The following MACROD2 variants were observed in gnomAD, a reference collection of about 807,000 sequenced individuals.
MACROD2 encodes mono-ADP ribosylhydrolase 2.
A neutral mutation model predicts 70.4 loss-of-function variants in MACROD2; 36 were observed. The ratio of observed to expected loss-of-function variants is 0.51; its 90% CI spans 0.39 to 0.68. The LOEUF is 0.68. MACROD2 is among the 30% of genes least tolerant of loss of function. The pLI is 0.00. For synonymous variants in MACROD2, 172 were observed against 178.8 expected (o/e 0.96, Z 0.30); for missense variants, 496 against 538.4 (o/e 0.92, Z 0.78).
intron 3 of MACROD2, among the ~76,000 whole-genome samples, chr20:14,330,237 A>T (rs1043915576): frequency 1.3e-5 from 2 of 152,054 alleles, no homozygotes; most frequent in Non-Finnish European, 2.9e-5. Context: ...ATTGAATTTA[A>T]TGTTGACTGC....
intron 5 of MACROD2, among the ~76,000 whole-genome samples, chr20:15,081,033 G>A (rs548326065): frequency 6.6e-6 from 1 of 152,138 alleles, no homozygotes; most frequent in Non-Finnish European, 1.5e-5. Flanking sequence ...AGCTCCCAGA[G>A]GCCAGGAGCT....
chr20:15,711,104 T>C (rs1568987822), intron 8 of MACROD2, among the ~76,000 whole-genome samples: 2 of 152,210 alleles, frequency 1.3e-5, no homozygotes, highest in Non-Finnish European at 2.9e-5. Flanking sequence ...GTCCCCGTTT[T>C]GAATTCTCCA....
chr20:15,865,034 C>T (rs6034309), intron 9 of MACROD2, among the ~76,000 whole-genome samples: 141,943 of 152,226 alleles, frequency 0.93, 66,684 homozygotes, highest in East Asian at 1. Flanking sequence ...AATTAGGATA[C>T]GTTTCTTCCT....
At chr20:16,030,572 C>G (rs761088990) in intron 15 of MACROD2, among the ~76,000 whole-genome samples, 1 of 152,170 alleles carries the variant, frequency 6.6e-6, no homozygotes, top group Non-Finnish European at 1.5e-5. Context: ...TCCAAATTCC[C>G]TGCAATGACC....
At chr20:14,851,118 G>A (rs2073194978) in intron 5 of MACROD2, among the ~76,000 whole-genome samples, 1 of 152,222 alleles carries the variant, frequency 6.6e-6, no homozygotes. Flanking sequence ...CACAAAGTAA[G>A]TTGTCATTGA....
intron 15 of MACROD2, among the ~76,000 whole-genome samples, chr20:16,002,589 G>A (rs1025902321): frequency 2.0e-5 from 3 of 152,128 alleles, no homozygotes; most frequent in South Asian, 2.1e-4. Context: ...ATGGAGGAAG[G>A]AGGCGATGAA....
At chr20:15,594,562 A>G (rs1470644977) in intron 8 of MACROD2, among the ~76,000 whole-genome samples, 1 of 152,148 alleles carries the variant, frequency 6.6e-6, no homozygotes, top group Non-Finnish European at 1.5e-5. Flanking sequence ...CCACATTCCC[A>G]CCAACACTAG....
intron 6 of MACROD2, among the ~76,000 whole-genome samples, chr20:15,427,006 GTCTC>G (rs984705706): frequency 4.8e-5 from 7 of 145,868 alleles, no homozygotes; most frequent in African/African-American, 1.5e-4. Flanking sequence ...CTCTCTCCCT[GTCTC>G]TCTCTGTCTG....
intron 3 of MACROD2, among the ~76,000 whole-genome samples, chr20:14,389,087 C>T (rs568625282): frequency 4.0e-5 from 6 of 151,642 alleles, no homozygotes; most frequent in South Asian, 2.1e-4. Context: ...ACCATGTTGG[C>T]CAAGCTGGTC....
At chr20:14,878,442 T>C (rs2073574412) in intron 5 of MACROD2, among the ~76,000 whole-genome samples, 1 of 152,148 alleles carries the variant, frequency 6.6e-6, no homozygotes, top group Admixed American at 6.5e-5. Context: ...CTTTTATGTA[T>C]TGTTTGACGT....
rs548875473 is a variant in MACROD2, at chr20:15,731,765, T to A, written c.646-130980T>A. 2.3e-4 allele frequency among the ~76,000 whole-genome samples: 13 copies of A among 55,328 alleles called. 5 individuals are homozygous for A. In the East Asian group the frequency reaches 2.8e-3, roughly 12 times the overall value. The allele number at this position is 55,328 out of a possible 152,430, so 36.3% of individuals were successfully genotyped here. On this transcript the variant is annotated intron_variant, in intron 8 of 17. Coordinates refer to ENST00000684519, the MANE Select transcript of MACROD2 (RefSeq NM_001351661.2). ...CATTCTTTTTTTTCTTTTTATTTTT[T>A]TTTTTTTGAGACGGAGTTTCACTCT...
At chr20:15,542,729 T>G (rs2047974257) in intron 8 of MACROD2, among the ~76,000 whole-genome samples, 1 of 152,232 alleles carries the variant, frequency 6.6e-6, no homozygotes, top group Non-Finnish European at 1.5e-5. Flanking sequence ...ATTGTAAGCT[T>G]CATCAAACAG....
intron 12 of MACROD2, among the ~76,000 whole-genome samples, chr20:15,958,624 T>C (rs2066012716): frequency 6.6e-6 from 1 of 152,144 alleles, no homozygotes; most frequent in Non-Finnish European, 1.5e-5. Flanking sequence ...AAATAAACCA[T>C]CCAAGTATCC....
chr20:15,986,324 C>T (rs1305307108), intron 13 of MACROD2, among the ~76,000 whole-genome samples: 1 of 152,104 alleles, frequency 6.6e-6, no homozygotes, highest in Non-Finnish European at 1.5e-5. Context: ...AATGAAAGTG[C>T]AAGTAGTGTT....
chr20:15,961,797 C>G (rs2066065496), intron 12 of MACROD2, among the ~76,000 whole-genome samples: 1 of 152,198 alleles, frequency 6.6e-6, no homozygotes, highest in South Asian at 2.1e-4. Flanking sequence ...ACCATAGATA[C>G]TTCTCACACC....
chr20:15,732,980 AAATTAACAATTTCTT>A (rs1461202807), intron 8 of MACROD2, among the ~76,000 whole-genome samples: 4 of 152,188 alleles, frequency 2.6e-5, no homozygotes, highest in African/African-American at 9.7e-5. Context: ...CTTAATAGAT[AAATTAACAATTTCTT>A]AATAGATACA....
At chr20:14,087,162 A>G (rs1191304128) in intron 3 of MACROD2, among the ~76,000 whole-genome samples, 2 of 152,022 alleles carry the variant, frequency 1.3e-5, no homozygotes, top group African/African-American at 4.8e-5. Context: ...TGGGAGGTCG[A>G]ATTGGGTAGA....
intron 5 of MACROD2, among the ~76,000 whole-genome samples, chr20:14,727,803 G>A (rs549161442): frequency 1.3e-5 from 2 of 152,232 alleles, no homozygotes; most frequent in East Asian, 1.9e-4. Context: ...GCTCCTGGAA[G>A]CTCTTTCCAA....
chr20:15,401,583 T>G (rs1393972509), intron 6 of MACROD2, among the ~76,000 whole-genome samples: 1 of 152,220 alleles, frequency 6.6e-6, no homozygotes, highest in African/African-American at 2.4e-5. Flanking sequence ...AACCTCTCTG[T>G]GTTTTTCATC....
Sources: gnomAD v4.1 joint callset for allele counts (sites outside exome capture counted in the v4.1 genomes callset) on GRCh38, gnomAD v4.1.1 for gene constraint, MANE v1.5 for transcripts, NCBI Gene and HGNC (gene_info 2026-07-23, HGNC 2026-07-21) for gene names.